The following DOCK7 variants were observed in gnomAD, a reference collection of about 807,000 sequenced individuals.
The protein encoded by DOCK7 is dedicator of cytokinesis protein 7.
A neutral mutation model predicts 271.0 loss-of-function variants in DOCK7; 138 were observed. The observed-to-expected ratio is 0.51, with a 90% CI of 0.44 to 0.59. The LOEUF is 0.59. Among genes scored for constraint, DOCK7 ranks in the 20% least tolerant of loss-of-function variants. DOCK7 has a pLI of 0.00. For missense variants in DOCK7, 2,066 were observed against 2,592.4 expected (o/e 0.80, Z 4.41); for synonymous variants, 823 against 876.1 (o/e 0.94, Z 1.07).
rs140097849 is a variant in DOCK7 at position 62,625,304 on chromosome 1, C to T, written c.1380G>A (p.Thr460=). ...TTSGDDACNL[T]SFRPATLTVT... is the part of the protein sequence containing the mutation. The stretch of plus-strand genomic sequence containing the variant: ...CTGTGAGAGTAGCTGGTCGAAAGCT[C>T]GTCAAGTTACAAGCATCATCTCCAC... Residue 460 remains threonine, a synonymous_variant, in exon 12 of 50, where the codon ACG becomes ACA. Transcript: ENST00000635253. 21 of 1,613,818 alleles carry T rather than the reference C, an allele frequency of 1.3e-5. No homozygotes were observed. The African/African-American group carries it at 2.1e-4, about 16-fold the overall frequency.
intron 42 of DOCK7, 132 bp from the exon 43 acceptor site, chr1:62,487,544 T>A: frequency 1.3e-6 from 1 of 744,444 alleles, no homozygotes. Context: ...AACAGCATAT[T>A]CATTTACTTA....
chr1:62,506,663 G>A (rs1233524644), intron 35 of DOCK7, among the ~76,000 whole-genome samples: 1 of 151,790 alleles, frequency 6.6e-6, no homozygotes, highest in African/African-American at 2.4e-5. Flanking sequence ...TAGAGTCAGG[G>A]TTGGCTGGGT....
At chr1:62,673,710 T>G (rs1173428754) in intron 1 of DOCK7, among the ~76,000 whole-genome samples, 1 of 152,212 alleles carries the variant, frequency 6.6e-6, no homozygotes, top group Non-Finnish European at 1.5e-5. Flanking sequence ...AATTAGTTGC[T>G]AAATCGTGTT....
At chr1:62,483,139 C>G (rs970176337) in intron 43 of DOCK7, 2 of 144,536 alleles carry the variant, frequency 1.4e-5, no homozygotes, top group African/African-American at 5.1e-5. Context: ...TCCCAAGTAG[C>G]TAGGACCACA....
chr1:62,603,647 G>A (rs1173041029), intron 14 of DOCK7, among the ~76,000 whole-genome samples: 2 of 151,616 alleles, frequency 1.3e-5, no homozygotes, highest in South Asian at 2.1e-4. Context: ...ATAAAGACTT[G>A]CAAATATTCC....
At chr1:62,492,516 G>A (rs1204688793) in intron 41 of DOCK7, 188 bp downstream of exon 41, 5 of 604,324 alleles carry the variant, frequency 8.3e-6, no homozygotes, top group Non-Finnish European at 1.4e-5. Context: ...TTGAACTCCT[G>A]GATTCAAGCA....
intron 14 of DOCK7, among the ~76,000 whole-genome samples, chr1:62,599,684 T>C (rs539040092): frequency 2.0e-5 from 3 of 152,172 alleles, no homozygotes; most frequent in African/African-American, 7.2e-5. Context: ...TCTGTTGAAT[T>C]AATAAATGTA....
chr1:62,564,999 G>A (rs1646463247), intron 18 of DOCK7, among the ~76,000 whole-genome samples: 1 of 152,084 alleles, frequency 6.6e-6, no homozygotes, highest in African/African-American at 2.4e-5. Context: ...TCTAAACCAG[G>A]AAGAAGTCGA....
chr1:62,652,730 C>T (rs917299851), intron 4 of DOCK7, among the ~76,000 whole-genome samples: 2 of 152,140 alleles, frequency 1.3e-5, no homozygotes, highest in African/African-American at 4.8e-5. Context: ...AACATATATG[C>T]ACAGAGGTAA....
rs764746776 is a variant in DOCK7 at position 62,455,306 on chromosome 1, GAAT to G, written c.*105_*107del. ...TTTCTTGGCCACTGCATTCTTCAAT[GAAT>G]AATAATTTCCAGAATTCCATTCCAT... is the stretch of plus-strand genomic sequence containing the variant. On this transcript the variant is annotated 3_prime_UTR_variant, in exon 50 of 50. Transcript: ENST00000635253. 2 of 1,214,094 alleles carry G rather than the reference GAAT, an allele frequency of 1.6e-6. No individual in the cohort carries two copies. Among genetic ancestry groups the G allele is most frequent in the Non-Finnish European group, 2.4e-6 (2 of 833,888 alleles). The allele number at this position is 1,214,094 out of a possible 1,614,324, so 75.2% of individuals were successfully genotyped here. A position where few individuals can be genotyped will look rare whatever the true frequency, so the allele number is the denominator to read the frequency against.
Position 62,675,660 on chromosome 1 carries a change from C to G in DOCK7, c.39-12530G>C, listed in dbSNP as rs1044427752. Among the ~76,000 whole-genome samples the G allele has an allele frequency of 1.1e-4, 17 of 151,878 alleles. 1 individual carries two copies. The highest frequency in any genetic ancestry group is 3.9e-4 in the African/African-American group (16 of 41,456). On this transcript the variant is annotated intron_variant, in intron 1 of 49. Coordinates refer to ENST00000635253, the MANE Select transcript of DOCK7 (RefSeq NM_001367561.1). The stretch of plus-strand genomic sequence containing the variant: ...ATTAGCCAGGCATAGTGGCGGGTGC[C>G]TGTAGTCCCAGCTACTCAGGAGGCT...
chr1:62,561,629 A>G lies in DOCK7; in HGVS notation c.2187T>C (p.Ser729=). The change falls in exon 19 of 50, where the codon TCT becomes TCC. Residue 729 remains serine (S), a synonymous_variant. Transcript: ENST00000635253. The part of the protein sequence containing the change: ...VFNVEVVAVS[S]IHTQDPYLDK... ...TATTAAAACTCACTTGTGTATGGATAGACGAAACAGCAACAACTTCAACAT... is the reference window on the plus strand; with the variant it reads ...TATTAAAACTCACTTGTGTATGGATGGACGAAACAGCAACAACTTCAACAT... 6.4e-7 allele frequency: 1 copy of G among 1,565,414 alleles called. No individual in the cohort carries two copies. Among genetic ancestry groups the G allele is most frequent in the Admixed American group, 2.1e-5 (1 of 47,800 alleles).
chr1:62,507,518 T>C (rs1646977652), intron 35 of DOCK7, among the ~76,000 whole-genome samples: 1 of 152,236 alleles, frequency 6.6e-6, no homozygotes, highest in South Asian at 2.1e-4. Context: ...TATCACATTG[T>C]TACTACAGAA....
intron 22 of DOCK7, among the ~76,000 whole-genome samples, chr1:62,551,985 G>A (rs1645922830): frequency 6.6e-6 from 1 of 151,826 alleles, no homozygotes; most frequent in Non-Finnish European, 1.5e-5. Context: ...CAAAAATTAA[G>A]AGACATTTTA....
chr1:62,455,116 C>G lies in DOCK7; in HGVS notation c.*298G>C, dbSNP rs866803433. 3 of 504,586 alleles carry G rather than the reference C, an allele frequency of 5.9e-6. No homozygotes were observed. The highest frequency in any genetic ancestry group is 3.8e-5 in the Admixed American group (1 of 25,986). 31.3% of individuals were successfully genotyped at this position (504,586 alleles called of 1,614,324 possible). A position where few individuals can be genotyped will look rare whatever the true frequency, so the allele number is the denominator to read the frequency against. ...AAATGGTAATATAAATTAAAAAATA[C>G]GAACTTAAAGTGAATAAATTTTTAA... On this transcript the variant is annotated 3_prime_UTR_variant, in exon 50 of 50. Transcript: ENST00000635253.
At chr1:62,630,982 C>A (rs1430594746) in intron 11 of DOCK7, among the ~76,000 whole-genome samples, 1 of 151,792 alleles carries the variant, frequency 6.6e-6, no homozygotes, top group South Asian at 2.1e-4. Flanking sequence ...GTCAGGAGTT[C>A]GAGACCAGTT....
chr1:62,505,741 T>C lies in DOCK7; in HGVS notation c.4552A>G (p.Asn1518Asp). The change falls in exon 36 of 50, where the codon AAC becomes GAC. Residue 1518 changes from asparagine (N) to aspartate (D), a missense_variant. This residue lies in a region of DOCK7 where 652 missense variants were observed against 922.1 expected (regional missense o/e 0.71). Coordinates refer to ENST00000635253, the MANE Select transcript of DOCK7 (RefSeq NM_001367561.1). ...LKVLLHSMAC[N>D]QSAVYLQHCF... Reference sequence around the variant, plus strand: ...TGTTGTAGATAAACTGCACTTTGGTTACAGGCCATGCTGTGTAGTAGCACT... The same window carrying C: ...TGTTGTAGATAAACTGCACTTTGGTCACAGGCCATGCTGTGTAGTAGCACT... 1 of 1,613,766 alleles carries C rather than the reference T, an allele frequency of 6.2e-7. No homozygotes were observed. Among genetic ancestry groups the C allele is most frequent in the Non-Finnish European group, 8.5e-7 (1 of 1,179,814 alleles).
chr1:62,586,246 A>G (rs1647502472), intron 15 of DOCK7, among the ~76,000 whole-genome samples: 1 of 152,252 alleles, frequency 6.6e-6, no homozygotes, highest in South Asian at 2.1e-4. Context: ...TTTTAGATTT[A>G]TATGTATTCA....
chr1:62,588,066 C>G (rs1476859631), intron 14 of DOCK7, among the ~76,000 whole-genome samples: 1 of 152,114 alleles, frequency 6.6e-6, no homozygotes. Flanking sequence ...ATCAGTTGTG[C>G]TCAAAATAGT....
Sources: gnomAD v4.1 joint callset for allele counts (sites outside exome capture counted in the v4.1 genomes callset) on GRCh38, gnomAD v4.1.1 for gene constraint, gnomAD v4.1.1 regional missense constraint, MANE v1.5 for transcripts, NCBI Gene and HGNC (gene_info 2026-07-23, HGNC 2026-07-21) for gene names.